Variants in EPRS1 observed in about 807,000 individuals in gnomAD.
EPRS1 encodes glutamyl-prolyl-tRNA synthetase 1, also known as bifunctional glutamate/proline--tRNA ligase.
Under a neutral mutation model 188.3 loss-of-function variants are expected in EPRS1, and 107 were observed. The ratio of observed to expected loss-of-function variants is 0.57; its 90% CI spans 0.49 to 0.67. The LOEUF is 0.67. Ranked by LOEUF, EPRS1 falls within the 30% of genes least tolerant of loss-of-function variation. The probability of loss-of-function intolerance (pLI) is 0.00; values close to 1 mark genes in which losing one functional copy is unlikely to be tolerated. For missense variants in EPRS1, 1,577 were observed against 1,802.2 expected (o/e 0.88, Z 2.26); for synonymous variants, 596 against 593.1 (o/e 1.00, Z -0.07).
chr1:219,974,682 A>G (rs1294052922), intron 28 of EPRS1, among the ~76,000 whole-genome samples: 2 of 152,226 alleles, frequency 1.3e-5, no homozygotes, highest in Non-Finnish European at 2.9e-5. Context: ...TATTTAAAAA[A>G]AAACCACAAT....
chr1:220,010,535 G>A (rs1661581428), intron 13 of EPRS1, among the ~76,000 whole-genome samples: 2 of 152,130 alleles, frequency 1.3e-5, no homozygotes, highest in African/African-American at 4.8e-5. Flanking sequence ...ATCTCAGCCT[G>A]GCGCAGTGGC....
At chr1:220,045,651 A>G (rs1234773705) in intron 1 of EPRS1, among the ~76,000 whole-genome samples, 1 of 152,240 alleles carries the variant, frequency 6.6e-6, no homozygotes, top group East Asian at 1.9e-4. Context: ...AAGATGTGTC[A>G]GTAAGGTGAC....
chr1:219,970,019 G>C (rs1036700050), intron 30 of EPRS1, among the ~76,000 whole-genome samples: 1 of 152,032 alleles, frequency 6.6e-6, no homozygotes, highest in African/African-American at 2.4e-5. Flanking sequence ...ACGGGGTTTC[G>C]CCATGTTGGC....
chr1:219,999,957 C>T lies in EPRS1; in HGVS notation c.2181+1181G>A, dbSNP rs1661313396. On this transcript the variant is annotated intron_variant, in intron 17 of 31. Transcript: ENST00000366923. ...TACCACTGCACTCCAGCCTGGGCAA[C>T]AGAGCAATACTCTGTCTCAAATAAA... Among the ~76,000 whole-genome samples the T allele has an allele frequency of 2.0e-5, 3 of 152,194 alleles. No homozygotes were observed. The South Asian group carries it at 6.2e-4, about 32-fold the overall frequency.
rs1378307634 is a variant in EPRS1, at chr1:220,024,341, G to A, written c.866C>T (p.Ala289Val). ...YAEKLIQEGK[A>V]YVDDTPAEQM... Reference sequence around the variant, plus strand: ...TTCAGCAGGAGTATCATCCACATAAGCCTTCCCTTCTTGAATTAGCTTCTC... The same window carrying A: ...TTCAGCAGGAGTATCATCCACATAAACCTTCCCTTCTTGAATTAGCTTCTC... Residue 289 changes from alanine (A) to valine (V), a missense_variant, in exon 8 of 32, where the codon GCT becomes GTT. Ala to Val is a moderately conservative substitution (Grantham distance 64, BLOSUM62 0). Coordinates refer to ENST00000366923, the MANE Select transcript of EPRS1 (RefSeq NM_004446.3). 1 of 1,613,310 alleles carries A rather than the reference G, an allele frequency of 6.2e-7. No homozygotes were observed.
intron 28 of EPRS1, among the ~76,000 whole-genome samples, chr1:219,975,837 T>C (rs1498394): frequency 0.46 from 69,964 of 151,904 alleles, 16,218 homozygotes; most frequent in South Asian, 0.52. Flanking sequence ...AGTGTACACA[T>C]ATCTGTATGT....
chr1:220,033,509 G>T lies in EPRS1; in HGVS notation c.381C>A (p.Thr127=). 6.2e-7 allele frequency: 1 copy of T among 1,603,708 alleles called. No homozygotes were observed. Among genetic ancestry groups the T allele is most frequent in the South Asian group, 1.1e-5 (1 of 89,512 alleles). ...ATTAAGAATTATTGATACCTTTTAGGGTGGCCCAAACACATAAATCTGCTA... is the reference window on the plus strand; with the variant it reads ...ATTAAGAATTATTGATACCTTTTAGTGTGGCCCAAACACATAAATCTGCTA... ...LSLADLCVWA[T]LKGNAAWQEQ... is the part of the protein sequence containing the mutation. Residue 127 remains threonine (T), a synonymous_variant, in exon 4 of 32, where the codon ACC becomes ACA. Coordinates refer to ENST00000366923, the MANE Select transcript of EPRS1 (RefSeq NM_004446.3).
At chr1:220,026,841 G>A (rs534849936) in intron 6 of EPRS1, among the ~76,000 whole-genome samples, 2 of 151,804 alleles carry the variant, frequency 1.3e-5, no homozygotes, top group South Asian at 2.1e-4. Context: ...TTTGATCTCA[G>A]TTGATATCCA....
chr1:219,975,138 A>G (rs1399184394), intron 28 of EPRS1, among the ~76,000 whole-genome samples: 3 of 152,210 alleles, frequency 2.0e-5, no homozygotes, highest in African/African-American at 7.2e-5. Context: ...TGGATCCTAC[A>G]CTGAAAAAGG....
At chr1:219,989,535 G>C (rs113597320) in intron 18 of EPRS1, among the ~76,000 whole-genome samples, 2,907 of 147,024 alleles carry the variant, frequency 0.02, 40 homozygotes, top group Non-Finnish European at 0.026. Context: ...AATCAAAATA[G>C]ATAGGAAAAG....
At chr1:220,007,440 T>C in intron 13 of EPRS1, 102 bp from the exon 14 acceptor site, 1 of 1,150,248 alleles carries the variant, frequency 8.7e-7, no homozygotes, top group Non-Finnish European at 1.2e-6. Context: ...TACAAAAGTC[T>C]TCTGTGTTAC....
intron 13 of EPRS1, among the ~76,000 whole-genome samples, chr1:220,009,274 A>C (rs540667733): frequency 3.8e-4 from 58 of 152,336 alleles, no homozygotes; most frequent in African/African-American, 1.4e-3. Flanking sequence ...TAAAGCTACA[A>C]TTTAGAATAT....
At chr1:220,030,805 T>A (rs970628152) in intron 5 of EPRS1, among the ~76,000 whole-genome samples, 8 of 152,088 alleles carry the variant, frequency 5.3e-5, no homozygotes, top group African/African-American at 1.9e-4. Flanking sequence ...ATGGAGTATA[T>A]GGGATGCTAG....
intron 12 of EPRS1, among the ~76,000 whole-genome samples, chr1:220,012,302 T>C (rs1183820035): frequency 6.6e-6 from 1 of 152,206 alleles, no homozygotes; most frequent in African/African-American, 2.4e-5. Flanking sequence ...TAATCAAAGA[T>C]TTAATTCGTG....
intron 18 of EPRS1, 129 bp from the exon 19 acceptor site, chr1:219,988,952 A>G: frequency 1.6e-6 from 1 of 606,720 alleles, no homozygotes; most frequent in Non-Finnish European, 2.9e-6. Context: ...CCTATGTTAA[A>G]TCATCAGCCT....
intron 6 of EPRS1, among the ~76,000 whole-genome samples, chr1:220,027,096 C>T (rs896501573): frequency 6.6e-5 from 10 of 151,080 alleles, no homozygotes; most frequent in Non-Finnish European, 2.9e-5. Context: ...TCAACACCAG[C>T]CTGGCCAACA....
intron 6 of EPRS1, among the ~76,000 whole-genome samples, chr1:220,027,579 G>A (rs577788427): frequency 1.8e-4 from 21 of 114,196 alleles, no homozygotes; most frequent in African/African-American, 6.7e-4. Context: ...ACAACAGTGC[G>A]AGGCTATGTC....
chr1:220,010,093 CAAAAA>C (rs3055587), intron 13 of EPRS1, among the ~76,000 whole-genome samples: 1 of 100,486 alleles, frequency 1.0e-5, no homozygotes, highest in East Asian at 3.0e-4. Flanking sequence ...GCAACTGTCT[CAAAAA>C]AAAAAAAAAA....
intron 6 of EPRS1, among the ~76,000 whole-genome samples, chr1:220,027,124 T>C (rs1661990088): frequency 1.3e-5 from 2 of 149,778 alleles, no homozygotes; most frequent in Admixed American, 1.3e-4. Flanking sequence ...ACCCCGTCTC[T>C]ACTAAAAATA....
Sources: gnomAD v4.1 joint callset for allele counts (sites outside exome capture counted in the v4.1 genomes callset) on GRCh38, gnomAD v4.1.1 for gene constraint, MANE v1.5 for transcripts, NCBI Gene and HGNC (gene_info 2026-07-23, HGNC 2026-07-21) for gene names.